SLX4IP: variants seen among roughly 807,000 people sequenced by gnomAD.
SLX4IP encodes SLX4 interacting protein, also known as protein SLX4IP.
Under a neutral mutation model 32.9 loss-of-function variants are expected in SLX4IP, and 34 were observed. The observed-to-expected ratio is 1.03, with a 90% CI of 0.79 to 1.38. The LOEUF (loss-of-function observed/expected upper bound fraction) is 1.38. SLX4IP is among the 40% of genes most tolerant of loss of function. The pLI is 0.00. For synonymous variants in SLX4IP, 172 were observed against 171.7 expected, an observed-to-expected ratio of 1.00 and a Z score of -0.01; for missense variants, 444 against 479.0, an observed-to-expected ratio of 0.93 and a Z score of 0.68.
intron 2 of SLX4IP, among the ~76,000 whole-genome samples, chr20:10,510,220 G>C (rs2065795128): frequency 6.6e-6 from 1 of 152,200 alleles, no homozygotes; most frequent in Non-Finnish European, 1.5e-5. Context: ...TTCTTGATTG[G>C]TGAAGGGAAA....
chr20:10,495,649 T>A (rs532646081), intron 2 of SLX4IP, among the ~76,000 whole-genome samples: 1 of 152,322 alleles, frequency 6.6e-6, no homozygotes, highest in East Asian at 1.9e-4. Flanking sequence ...GCTGCACTGC[T>A]AAGTATAAAC....
chr20:10,525,926 T>TG (rs1483181619), intron 2 of SLX4IP, among the ~76,000 whole-genome samples: 4 of 152,204 alleles, frequency 2.6e-5, no homozygotes, highest in African/African-American at 4.8e-5. Context: ...AATGTGGATA[T>TG]GGGGTAAGGA....
chr20:10,495,885 T>G (rs1388128113), intron 2 of SLX4IP, among the ~76,000 whole-genome samples: 2 of 151,994 alleles, frequency 1.3e-5, no homozygotes, highest in South Asian at 2.1e-4. Context: ...ATAGCTGGGT[T>G]TTTTTTTGTT....
At chr20:10,540,096 T>TTCCCTTCCTTCCTTCC (rs1380282080) in intron 2 of SLX4IP, among the ~76,000 whole-genome samples, 8 of 111,750 alleles carry the variant, frequency 7.2e-5, no homozygotes, top group Non-Finnish European at 1.6e-4. Flanking sequence ...CCTTCCTTCC[T>TTCCCTTCCTTCCTTCC]TTCCTTCCTT....
chr20:10,478,538 C>T (rs1379001647), intron 2 of SLX4IP, among the ~76,000 whole-genome samples: 1 of 152,172 alleles, frequency 6.6e-6, no homozygotes, highest in African/African-American at 2.4e-5. Flanking sequence ...CATCCTTGTC[C>T]AGTAATAACA....
In SLX4IP at chr20:10,507,919, T is replaced by TATAC. The variant is rs1555810101; in HGVS notation, c.28-48311_28-48310insTACA. On this transcript the variant is annotated intron_variant, in intron 2 of 7. Coordinates refer to ENST00000334534, the MANE Select transcript of SLX4IP (RefSeq NM_001009608.3). ...ACAGTCTCCTTTATATATATATATATACATATATGTATATTTGAGATATAT... is the reference window on the plus strand; with the variant it reads ...ACAGTCTCCTTTATATATATATATATATACACATATATGTATATTTGAGATATAT... 1.5e-4 allele frequency among the ~76,000 whole-genome samples: 22 copies of TATAC among 150,530 alleles called. No individual in the cohort carries two copies. The Middle Eastern group carries it at 0.014, about 96-fold the overall frequency.
chr20:10,542,589 G>A (rs1325853866), intron 2 of SLX4IP, among the ~76,000 whole-genome samples: 1 of 152,248 alleles, frequency 6.6e-6, no homozygotes, highest in Non-Finnish European at 1.5e-5. Context: ...AATGCATAAA[G>A]CCTCATCCTG....
intron 2 of SLX4IP, among the ~76,000 whole-genome samples, chr20:10,462,360 A>T (rs528546260): frequency 6.6e-6 from 1 of 152,230 alleles, no homozygotes; most frequent in Non-Finnish European, 1.5e-5. Context: ...AAAGTCAATG[A>T]AAAAGAGTTG....
chr20:10,548,533 C>G (rs2066188058), intron 2 of SLX4IP, among the ~76,000 whole-genome samples: 2 of 152,334 alleles, frequency 1.3e-5, no homozygotes, highest in Admixed American at 6.5e-5. Flanking sequence ...GCCACCACAC[C>G]CGGCCTCTCC....
At chr20:10,493,567 G>T in intron 2 of SLX4IP, among the ~76,000 whole-genome samples, 1 of 150,140 alleles carries the variant, frequency 6.7e-6, no homozygotes, top group African/African-American at 2.5e-5. Flanking sequence ...TTTTTTTTCA[G>T]CCCTTTTAAA....
intron 2 of SLX4IP, among the ~76,000 whole-genome samples, chr20:10,472,293 C>T (rs576782458): frequency 6.0e-5 from 9 of 150,916 alleles, no homozygotes; most frequent in Non-Finnish European, 7.4e-5. Flanking sequence ...TGCAGTGGCA[C>T]GATCTCGGCT....
intron 4 of SLX4IP, among the ~76,000 whole-genome samples, chr20:10,579,368 A>G (rs1044499260): frequency 6.6e-6 from 1 of 151,958 alleles, no homozygotes; most frequent in Non-Finnish European, 1.5e-5. Context: ...ATCAGTTGAC[A>G]ATAAATGTGA....
At chr20:10,479,149 C>T (rs1313557900) in intron 2 of SLX4IP, among the ~76,000 whole-genome samples, 2 of 152,158 alleles carry the variant, frequency 1.3e-5, no homozygotes, top group African/African-American at 4.8e-5. Flanking sequence ...CAAGTAGTGA[C>T]TCTGATTCCT....
chr20:10,474,652 G>A (rs980839415), intron 2 of SLX4IP, among the ~76,000 whole-genome samples: 10 of 152,206 alleles, frequency 6.6e-5, no homozygotes, highest in Non-Finnish European at 1.0e-4. Flanking sequence ...GCCTGGGCTG[G>A]GGCTGGAGCC....
rs917718227 is a variant in SLX4IP at position 10,565,342 on chromosome 20, T to G, written c.238+4522T>G. 3.3e-5 allele frequency among the ~76,000 whole-genome samples: 5 copies of G among 152,260 alleles called. No individual in the cohort carries two copies. The South Asian group carries it at 1.0e-3, about 32-fold the overall frequency. ...TAGCTCATAGGATCTCGGGGAGTGC[T>G]GGAGAGCCCTGTTGTGAAGCTACGC... On this transcript the variant is annotated intron_variant, in intron 4 of 7. Transcript: ENST00000334534.
At chr20:10,599,037 A>G (rs891964278) in intron 5 of SLX4IP, among the ~76,000 whole-genome samples, 1 of 152,168 alleles carries the variant, frequency 6.6e-6, no homozygotes, top group Non-Finnish European at 1.5e-5. Context: ...GAATCACTTC[A>G]GTATTGTCTG....
At chr20:10,611,015 G>A (rs11087013) in intron 6 of SLX4IP, among the ~76,000 whole-genome samples, 2,565 of 152,228 alleles carry the variant, frequency 0.017, 73 homozygotes, top group African/African-American at 0.057. Flanking sequence ...AACTAACTGA[G>A]GCTTTCTTAT....
chr20:10,537,373 C>T (rs1252950593), intron 2 of SLX4IP, among the ~76,000 whole-genome samples: 1 of 152,180 alleles, frequency 6.6e-6, no homozygotes, highest in Non-Finnish European at 1.5e-5. Flanking sequence ...GGTAAATACT[C>T]CAGTCAACTA....
At chr20:10,613,582 C>T (rs1227227503) in intron 6 of SLX4IP, 65 of 1,612,752 alleles carry the variant, frequency 4.0e-5, no homozygotes, top group South Asian at 2.0e-4. Context: ...AGGCTATCCA[C>T]GCCTTCATCA....
Sources: allele counts gnomAD v4.1 joint callset (sites outside exome capture counted in the v4.1 genomes callset), GRCh38; gene constraint gnomAD v4.1.1; transcripts MANE v1.5; gene names NCBI Gene and HGNC (gene_info 2026-07-23, HGNC 2026-07-21).